The following MAGI3 variants were observed in gnomAD, a reference collection of about 807,000 sequenced individuals.
The protein encoded by MAGI3 is membrane-associated guanylate kinase, WW and PDZ domain-containing protein 3.
Under a neutral mutation model 121.8 loss-of-function variants are expected in MAGI3, and 43 were observed. The observed-to-expected ratio is 0.35, with a 90% CI of 0.28 to 0.46. The LOEUF (loss-of-function observed/expected upper bound fraction) is 0.46. MAGI3 is among the 20% of genes least tolerant of loss of function. The probability of loss-of-function intolerance (pLI) is 1.00; values close to 1 mark genes in which losing one functional copy is unlikely to be tolerated. For synonymous variants in MAGI3, 553 were observed against 639.3 expected (o/e 0.86, Z 2.04); for missense variants, 1,547 against 1,797.3 (o/e 0.86, Z 2.52).
chr1:113,644,344 T>C (rs1032310546), intron 11 of MAGI3, among the ~76,000 whole-genome samples: 1 of 151,998 alleles, frequency 6.6e-6, no homozygotes, highest in Non-Finnish European at 1.5e-5. Context: ...GCAGTGGCGC[T>C]ATCTCGGCTC....
chr1:113,429,880 C>T (rs1257614417), intron 1 of MAGI3, among the ~76,000 whole-genome samples: 1 of 152,080 alleles, frequency 6.6e-6, no homozygotes, highest in Non-Finnish European at 1.5e-5. Flanking sequence ...AGGTTCCCTG[C>T]CTCCAGACCC....
At chr1:113,606,304 T>C (rs1323208353) in intron 6 of MAGI3, among the ~76,000 whole-genome samples, 1 of 152,164 alleles carries the variant, frequency 6.6e-6, no homozygotes, top group Non-Finnish European at 1.5e-5. Flanking sequence ...ATACCGTAGT[T>C]GTTTATAAAG....
chr1:113,621,488 A>G (rs1185916122), intron 8 of MAGI3, among the ~76,000 whole-genome samples: 1 of 152,152 alleles, frequency 6.6e-6, no homozygotes, highest in Non-Finnish European at 1.5e-5. Flanking sequence ...TGGCAAAATG[A>G]TAAACATAAT....
intron 1 of MAGI3, among the ~76,000 whole-genome samples, chr1:113,485,700 G>A (rs1438599875): frequency 2.0e-5 from 3 of 152,014 alleles, no homozygotes; most frequent in Non-Finnish European, 4.4e-5. Context: ...TGTTTTTGTC[G>A]CATTTGCTTT....
intron 1 of MAGI3, among the ~76,000 whole-genome samples, chr1:113,416,966 GTAAC>G (rs1652483481): frequency 6.6e-6 from 1 of 151,944 alleles, no homozygotes; most frequent in African/African-American, 2.4e-5. Flanking sequence ...ATAATATTAA[GTAAC>G]TATTGAATCA....
chr1:113,602,904 C>T (rs187265545), intron 6 of MAGI3, among the ~76,000 whole-genome samples: 60 of 150,634 alleles, frequency 4.0e-4, no homozygotes, highest in Admixed American at 3.3e-3. Context: ...CTCCAGTCTG[C>T]GAAACAGAAC....
intron 1 of MAGI3, among the ~76,000 whole-genome samples, chr1:113,444,910 AAAG>A (rs1654096341): frequency 6.6e-6 from 1 of 152,198 alleles, no homozygotes; most frequent in Admixed American, 6.5e-5. Context: ...GAAAACCTAA[AAAG>A]AAACCAAAAA....
At chr1:113,623,095 T>G in intron 9 of MAGI3, 101 bp downstream of exon 9, 1 of 802,260 alleles carries the variant, frequency 1.2e-6, no homozygotes, top group Non-Finnish European at 1.8e-6. Context: ...AATTAAATTA[T>G]ATAACTAAAG....
chr1:113,435,937 A>G (rs1370727467), intron 1 of MAGI3, among the ~76,000 whole-genome samples: 1 of 152,120 alleles, frequency 6.6e-6, no homozygotes, highest in Non-Finnish European at 1.5e-5. Context: ...TACTTATAGC[A>G]TCTGCTTATT....
chr1:113,655,946 T>A (rs956974048), intron 15 of MAGI3, among the ~76,000 whole-genome samples: 4 of 152,148 alleles, frequency 2.6e-5, no homozygotes, highest in African/African-American at 7.2e-5. Context: ...GTCTCTTAAC[T>A]TTTCTTTTAA....
chr1:113,682,998 C>T lies in MAGI3; in HGVS notation c.3430C>T (p.His1144Tyr), dbSNP rs745400977. Residue 1144 changes from histidine to tyrosine, a missense_variant, in exon 21 of 21, where the codon CAC becomes TAC. By Grantham distance (83) the His-to-Tyr change is moderately conservative. Transcript: ENST00000307546. The stretch of plus-strand genomic sequence containing the variant: ...TTTTGCTTCCATATTTGAAGAGTCT[C>T]ACGTGCCAGTAATTGAAGAATCTTT... ...SHFASIFEES[H>Y]VPVIEESLRV... 3 of 1,613,948 alleles carry T rather than the reference C, an allele frequency of 1.9e-6. No individual in the cohort carries two copies. The East Asian group carries it at 6.7e-5, about 36-fold the overall frequency.
chr1:113,403,508 G>T (rs1309002962), intron 1 of MAGI3: 1 of 151,954 alleles, frequency 6.6e-6, no homozygotes, highest in Non-Finnish European at 1.5e-5. Context: ...CTTAATAGTG[G>T]CTGTGTTTGA....
At chr1:113,553,141 C>T (rs1659852032) in intron 2 of MAGI3, among the ~76,000 whole-genome samples, 1 of 152,078 alleles carries the variant, frequency 6.6e-6, no homozygotes. Flanking sequence ...GGACTATGAT[C>T]CTTGAGAGAA....
rs941989715 is a variant in MAGI3 at position 113,684,578 on chromosome 1, C to A, written c.*564C>A. 1 of 151,748 alleles carries A rather than the reference C, an allele frequency of 6.6e-6. No individual in the cohort carries two copies. The highest frequency in any genetic ancestry group is 1.5e-5 in the Non-Finnish European group (1 of 67,876). 9.4% of individuals were successfully genotyped at this position (151,748 alleles called of 1,614,324 possible). On this transcript the variant is annotated 3_prime_UTR_variant, in exon 21 of 21. Coordinates refer to ENST00000307546, the MANE Select transcript of MAGI3 (RefSeq NM_001142782.2). ...ATGATGTCCCACTTTAAAAATAAAA[C>A]CCCCAAACATCACTACTTTAAGGAA...
At chr1:113,618,497 C>T (rs1328401168) in intron 7 of MAGI3, 2 of 449,312 alleles carry the variant, frequency 4.5e-6, no homozygotes. Context: ...CATATCACCT[C>T]TTTATTTTTA....
chr1:113,451,925 A>G (rs1654503402), intron 1 of MAGI3, among the ~76,000 whole-genome samples: 1 of 152,172 alleles, frequency 6.6e-6, no homozygotes. Context: ...TAGGTAAATG[A>G]GGGTGGATGG....
intron 1 of MAGI3, among the ~76,000 whole-genome samples, chr1:113,435,149 G>A (rs1653503441): frequency 6.6e-6 from 1 of 152,124 alleles, no homozygotes; most frequent in Admixed American, 6.5e-5. Flanking sequence ...TTAAGATTCA[G>A]AGTTGAAATT....
At position 113,561,737 on chromosome 1, in the gene MAGI3, C is replaced by T. The variant is rs184601340; in HGVS notation, c.433+12106C>T. 1.6e-4 allele frequency among the ~76,000 whole-genome samples: 25 copies of T among 152,184 alleles called. No individual in the cohort carries two copies. The East Asian group carries it at 4.6e-3, about 28-fold the overall frequency. On this transcript the variant is annotated intron_variant, in intron 2 of 20. Coordinates refer to ENST00000307546, the MANE Select transcript of MAGI3 (RefSeq NM_001142782.2). Reference sequence around the variant, plus strand: ...GATGCCCTCTTTCACCACTCCTATTCAATATAGTTTTGGAAGTTCTGACCA... The same window carrying T: ...GATGCCCTCTTTCACCACTCCTATTTAATATAGTTTTGGAAGTTCTGACCA...
chr1:113,544,807 G>C (rs1469644260), intron 1 of MAGI3, among the ~76,000 whole-genome samples: 3 of 152,110 alleles, frequency 2.0e-5, no homozygotes, highest in Non-Finnish European at 4.4e-5. Flanking sequence ...GTAAAAATCA[G>C]ACCTATACAA....
Sources: allele counts gnomAD v4.1 joint callset (sites outside exome capture counted in the v4.1 genomes callset), GRCh38; gene constraint gnomAD v4.1.1; transcripts MANE v1.5; gene names NCBI Gene and HGNC (gene_info 2026-07-23, HGNC 2026-07-21).